The following ROCK2 variants were observed in gnomAD, a reference collection of about 807,000 sequenced individuals.
The protein encoded by ROCK2 is Rho associated coiled-coil containing protein kinase 2, also known as rho-associated protein kinase 2.
ROCK2 carries 61 observed loss-of-function variants against 195.1 expected under a neutral mutation model. That is an observed-to-expected ratio of 0.31 (90% CI 0.25 to 0.39). The LOEUF (loss-of-function observed/expected upper bound fraction) is 0.39. ROCK2 is among the 10% of genes least tolerant of loss of function. ROCK2 has a pLI of 1.00. For missense variants in ROCK2, 1,109 were observed against 1,637.4 expected, an observed-to-expected ratio of 0.68 and a Z score of 5.57; for synonymous variants, 504 against 545.5, an observed-to-expected ratio of 0.92 and a Z score of 1.06.
intron 1 of ROCK2, among the ~76,000 whole-genome samples, chr2:11,299,943 C>T (rs535273262): frequency 6.6e-6 from 1 of 152,256 alleles, no homozygotes; most frequent in East Asian, 1.9e-4. Context: ...AAATATCTAT[C>T]CTGTCTCTCT....
At chr2:11,335,300 G>A (rs1332068789) in intron 1 of ROCK2, among the ~76,000 whole-genome samples, 1 of 152,040 alleles carries the variant, frequency 6.6e-6, no homozygotes, top group Non-Finnish European at 1.5e-5. Context: ...ACTTTAAAGG[G>A]GGGCAGGAGT....
At chr2:11,287,604 C>CT (rs745941278) in intron 2 of ROCK2, 51 bp downstream of exon 2, 12 of 520,510 alleles carry the variant, frequency 2.3e-5, no homozygotes, top group Non-Finnish European at 2.2e-5. Flanking sequence ...ACAAAAATCT[C>CT]TTATCAAAAG....
chr2:11,343,359 G>A (rs1309687077), intron 1 of ROCK2, among the ~76,000 whole-genome samples: 2 of 152,188 alleles, frequency 1.3e-5, no homozygotes, highest in African/African-American at 4.8e-5. Flanking sequence ...GAGACGCAAT[G>A]AAGAGGACAG....
At chr2:11,256,087 A>G (rs972433195) in intron 3 of ROCK2, among the ~76,000 whole-genome samples, 1 of 151,176 alleles carries the variant, frequency 6.6e-6, no homozygotes, top group Non-Finnish European at 1.5e-5. Flanking sequence ...GTGTAATTAT[A>G]AATGGATTAA....
intron 3 of ROCK2, among the ~76,000 whole-genome samples, chr2:11,265,922 T>C (rs1244096271): frequency 1.1e-5 from 1 of 89,290 alleles, no homozygotes; most frequent in Non-Finnish European, 2.1e-5. Context: ...CTGGGGGACC[T>C]TGTTTCTACA....
At chr2:11,198,122 T>G (rs754685027) in intron 25 of ROCK2, among the ~76,000 whole-genome samples, 3 of 152,228 alleles carry the variant, frequency 2.0e-5, no homozygotes, top group Non-Finnish European at 2.9e-5. Flanking sequence ...GTACCCCACC[T>G]GTTCATGCAG....
intron 1 of ROCK2, among the ~76,000 whole-genome samples, chr2:11,293,585 T>C (rs565969690): frequency 6.6e-6 from 1 of 152,344 alleles, no homozygotes; most frequent in Non-Finnish European, 1.5e-5. Flanking sequence ...TTATTAATTT[T>C]TCCTTTTTGC....
At chr2:11,264,213 G>C (rs1056263614) in intron 3 of ROCK2, among the ~76,000 whole-genome samples, 3 of 152,136 alleles carry the variant, frequency 2.0e-5, no homozygotes, top group African/African-American at 7.2e-5. Flanking sequence ...AAGATTAATA[G>C]TAACAATGGT....
intron 32 of ROCK2, among the ~76,000 whole-genome samples, chr2:11,188,174 G>A (rs922311116): frequency 2.0e-5 from 3 of 146,730 alleles, no homozygotes; most frequent in Admixed American, 6.9e-5. Context: ...GCAGTGGTGC[G>A]ATCTCGGCTT....
chr2:11,344,074 C>T lies in ROCK2; in HGVS notation c.63G>A (p.Gly21=). 1.3e-6 allele frequency: 2 copies of T among 1,554,924 alleles called. No homozygotes were observed. The highest frequency in any genetic ancestry group is 8.7e-7 in the Non-Finnish European group (1 of 1,155,636). The part of the protein sequence containing the change: ...PGAPETAPGD[G]AGASRQRKLE... ...GCTTCCTCTGGCGGCTCGCGCCTGC[C>T]CCGTCCCCCGGCGCGGTCTCGGGGG... The change falls in exon 1 of 33, where the codon GGG becomes GGA. Residue 21 remains glycine (G), a synonymous_variant. Transcript: ENST00000315872. This position sits in a 1 kb window ranked among gnomAD's most constrained non-coding sequence, Gnocchi z 5.4.
chr2:11,216,679 G>A (rs1558299620), intron 12 of ROCK2, among the ~76,000 whole-genome samples: 2 of 151,520 alleles, frequency 1.3e-5, no homozygotes, highest in South Asian at 4.2e-4. Context: ...TTACAGGTGT[G>A]AGCCACTGCA....
intron 3 of ROCK2, among the ~76,000 whole-genome samples, chr2:11,259,377 A>C (rs1666143720): frequency 6.6e-6 from 1 of 151,356 alleles, no homozygotes; most frequent in South Asian, 2.1e-4. Flanking sequence ...TGCAAGACAA[A>C]TGTTTAAGCC....
intron 1 of ROCK2, among the ~76,000 whole-genome samples, chr2:11,288,121 A>C (rs1667255229): frequency 6.6e-6 from 1 of 152,182 alleles, no homozygotes; most frequent in South Asian, 2.1e-4. Context: ...TGTTGTGCCT[A>C]GTGCAGATTA....
At position 11,222,128 on chromosome 2, in the gene ROCK2, G is replaced by C; in HGVS notation, c.1054C>G (p.Pro352Ala). The change falls in exon 8 of 33, where the codon CCT becomes GCT. Residue 352 changes from proline to alanine, a missense_variant. By Grantham distance (27) the Pro-to-Ala change is conservative. Around this residue, in one of 6 missense-constraint regions of ROCK2, gnomAD observed 253 missense variants for 455.5 expected, o/e 0.56. Coordinates refer to ENST00000315872, the MANE Select transcript of ROCK2 (RefSeq NM_004850.5). ...TGCCACTGATCATTCTTAAAGAAAG[G>C]ATGCTGTCTGATTTCTTCCACCCCA... ...RNGVEEIRQH[P>A]FFKNDQWHWD... 2.5e-6 allele frequency: 4 copies of C among 1,611,174 alleles called. No homozygotes were observed. The highest frequency in any genetic ancestry group is 3.4e-6 in the Non-Finnish European group (4 of 1,177,858).
intron 7 of ROCK2, among the ~76,000 whole-genome samples, chr2:11,223,252 C>G (rs548953094): frequency 2.0e-5 from 3 of 151,996 alleles, no homozygotes; most frequent in Middle Eastern, 3.4e-3. Context: ...AAATGACTGA[C>G]AAATAAAAAT....
At position 11,191,406 on chromosome 2, in the gene ROCK2, C is replaced by T. The variant is rs556873694; in HGVS notation, c.4163+742G>A. The stretch of plus-strand genomic sequence containing the variant: ...ACTCTACCTCAATTCCAAGGAATAA[C>T]CACTTTACCCATTAGCTAATATTTG... On this transcript the variant is annotated intron_variant, in intron 32 of 32. Transcript: ENST00000315872. 4.7e-4 allele frequency among the ~76,000 whole-genome samples: 72 copies of T among 152,306 alleles called. No homozygotes were observed. The South Asian group carries it at 0.011, about 23-fold the overall frequency.
At chr2:11,238,026 C>G (rs1451337759) in intron 4 of ROCK2, among the ~76,000 whole-genome samples, 2 of 152,022 alleles carry the variant, frequency 1.3e-5, no homozygotes, top group African/African-American at 4.8e-5. Flanking sequence ...TGCACTGAGC[C>G]GAGATCGTGC....
At position 11,213,384 on chromosome 2, in the gene ROCK2, G is replaced by A. The variant is rs377155015; in HGVS notation, c.2043+973C>T. ...CATGATCTACCTCATGCCGAGCTCTGTAGCCTCATTCTGACCACTGAATTC... is the reference window on the plus strand; with the variant it reads ...CATGATCTACCTCATGCCGAGCTCTATAGCCTCATTCTGACCACTGAATTC... On this transcript the variant is annotated intron_variant, in intron 17 of 32. Transcript: ENST00000315872. 4.1e-4 allele frequency among the ~76,000 whole-genome samples: 63 copies of A among 152,094 alleles called. 3 individuals carry two copies. The South Asian group carries it at 0.012, about 30-fold the overall frequency.
chr2:11,266,778 T>G (rs915342000), intron 3 of ROCK2, among the ~76,000 whole-genome samples: 3 of 152,190 alleles, frequency 2.0e-5, no homozygotes, highest in African/African-American at 7.2e-5. Flanking sequence ...TTAAAGAATC[T>G]CTACATAAAG....
Sources: gnomAD v4.1 joint callset for allele counts (sites outside exome capture counted in the v4.1 genomes callset) on GRCh38, gnomAD v4.1.1 for gene constraint, gnomAD v4.1.1 regional missense constraint, Gnocchi (gnomAD v3.1) non-coding constraint, MANE v1.5 for transcripts, NCBI Gene and HGNC (gene_info 2026-07-23, HGNC 2026-07-21) for gene names.